SYNE2: variants seen among roughly 807,000 people sequenced by gnomAD.
The protein encoded by SYNE2 is spectrin repeat containing nuclear envelope protein 2.
SYNE2 carries 431 observed loss-of-function variants against 856.3 expected under a neutral mutation model. The ratio of observed to expected loss-of-function variants is 0.50; its 90% CI spans 0.47 to 0.55. The LOEUF is 0.55. Ranked by LOEUF, SYNE2 falls within the 20% of genes least tolerant of loss-of-function variation. The probability of loss-of-function intolerance (pLI) is 0.00; values close to 1 mark genes in which losing one functional copy is unlikely to be tolerated. For missense variants in SYNE2, 8,129 were observed against 8,023.2 expected, an observed-to-expected ratio of 1.01 and a Z score of -0.50; for synonymous variants, 2,923 against 2,872.3, an observed-to-expected ratio of 1.02 and a Z score of -0.56.
intron 1 of SYNE2, among the ~76,000 whole-genome samples, chr14:63,796,311 T>C (rs1230891166): frequency 6.6e-6 from 1 of 152,078 alleles, no homozygotes; most frequent in Non-Finnish European, 1.5e-5. Flanking sequence ...ATACAAATAT[T>C]AGCTGGGCAT....
intron 1 of SYNE2, among the ~76,000 whole-genome samples, chr14:63,814,804 ATAT>A (rs1888820923): frequency 4.9e-5 from 6 of 122,082 alleles, no homozygotes; most frequent in African/African-American, 9.4e-5. Flanking sequence ...ATATCCATAT[ATAT>A]CCATATATAT....
At chr14:63,934,670 A>C (rs975920213) in intron 2 of SYNE2, among the ~76,000 whole-genome samples, 1 of 151,892 alleles carries the variant, frequency 6.6e-6, no homozygotes, top group Non-Finnish European at 1.5e-5. Context: ...ACCTCCTCTG[A>C]GGTTGTTGAG....
chr14:64,221,494 T>G (rs754592383), intron 111 of SYNE2, 82 bp from the exon 112 acceptor site: 1 of 1,613,770 alleles, frequency 6.2e-7, no homozygotes, highest in Admixed American at 1.7e-5. Context: ...TGTGATGGAT[T>G]GGAAGCAGTA....
At chr14:64,126,847 A>G (rs2097950919) in intron 73 of SYNE2, 40 bp downstream of exon 73, 1 of 1,593,678 alleles carries the variant, frequency 6.3e-7, no homozygotes, top group Admixed American at 1.7e-5. Flanking sequence ...GCACTGTTTT[A>G]AGTTACAGCA....
chr14:63,906,397 A>G (rs1345648454), intron 1 of SYNE2, among the ~76,000 whole-genome samples: 1 of 151,992 alleles, frequency 6.6e-6, no homozygotes, highest in Non-Finnish European at 1.5e-5. Context: ...TCCTCTTTAC[A>G]CTTCTGGTAG....
rs1313674488 is a variant in SYNE2 at position 64,219,111 on chromosome 14, T to TG, written c.19658-97_19658-96insG. The TG allele has an allele frequency of 1.9e-3, 1,740 of 926,416 alleles. 2 individuals carry two copies. Among genetic ancestry groups the TG allele is most frequent in the Non-Finnish European group, 2.3e-3 (1,523 of 649,432 alleles). 57.4% of individuals were successfully genotyped at this position (926,416 alleles called of 1,614,324 possible). ...ATCCCCTACAGTTTTTTTGTTTTTT[T>TG]TTTTTTTTTTTTTAACCACCCTGAC... On this transcript the variant is annotated intron_variant, in intron 109 of 115. Coordinates refer to ENST00000555002, the MANE Select transcript of SYNE2 (RefSeq NM_182914.3).
At chr14:64,040,578 C>T (rs2097140488) in intron 45 of SYNE2, among the ~76,000 whole-genome samples, 1 of 143,592 alleles carries the variant, frequency 7.0e-6, no homozygotes, top group Non-Finnish European at 1.5e-5. Flanking sequence ...ATATCCCCTA[C>T]TGTAGAAGTG....
chr14:64,132,820 A>G (rs1004826403), intron 77 of SYNE2, among the ~76,000 whole-genome samples: 3 of 152,208 alleles, frequency 2.0e-5, no homozygotes, highest in African/African-American at 7.2e-5. Context: ...AAACTCAAAG[A>G]AAAAAATAAG....
chr14:64,052,647 T>C lies in SYNE2; in HGVS notation c.8734T>C (p.Phe2912Leu), dbSNP rs2097236040. The change falls in exon 48 of 116, where the codon TTT (phenylalanine) becomes CTT (leucine). Residue 2912 changes from phenylalanine to leucine, a missense_variant. By Grantham distance (22) the Phe-to-Leu change is conservative (BLOSUM62 0). Coordinates refer to ENST00000555002, the MANE Select transcript of SYNE2 (RefSeq NM_182914.3). ...YEELNVFERL[F>L]LEDQLKNLKI... is the part of the protein sequence containing the mutation. ...GGAGCTGAATGTGTTTGAAAGATTATTTCTGGAAGATCAGTTGAAAAATCT... is the reference window on the plus strand; with the variant it reads ...GGAGCTGAATGTGTTTGAAAGATTACTTCTGGAAGATCAGTTGAAAAATCT... The C allele has an allele frequency of 6.2e-7, 1 of 1,613,910 alleles. No individual in the cohort carries two copies. Among genetic ancestry groups the C allele is most frequent in the Non-Finnish European group, 8.5e-7 (1 of 1,179,980 alleles).
chr14:63,906,061 C>G (rs1203592168), intron 1 of SYNE2, among the ~76,000 whole-genome samples: 1 of 152,044 alleles, frequency 6.6e-6, no homozygotes, highest in East Asian at 1.9e-4. Context: ...ATTGAGATGA[C>G]ATATGGTTTT....
rs1262898674 is a variant in SYNE2, at chr14:64,170,326, G to A, written c.17099G>A (p.Arg5700Lys). Residue 5700 changes from arginine (R) to lysine (K), a missense_variant, in exon 94 of 116, where the codon AGG (arginine) becomes AAG (lysine). Coordinates refer to ENST00000555002, the MANE Select transcript of SYNE2 (RefSeq NM_182914.3). ...AAGGGTGACGTTGATGGGCTGGTGA[G>A]GCAGTGGCAAGATTTCACTACTTCT... is the stretch of plus-strand genomic sequence containing the variant. ...QRKGDVDGLV[R>K]QWQDFTTSVE... 1.2e-6 allele frequency: 2 copies of A among 1,614,038 alleles called. No homozygotes were observed. The highest frequency in any genetic ancestry group is 3.3e-5 in the Admixed American group (2 of 59,996).
intron 30 of SYNE2, among the ~76,000 whole-genome samples, chr14:64,006,632 A>G (rs2096798121): frequency 6.6e-6 from 1 of 151,944 alleles, no homozygotes. Context: ...AGTTTGAGAC[A>G]AGTCTGGGCA....
rs1169477700 is a variant in SYNE2, at chr14:64,095,200, C to T, written c.12108+1720C>T. ...TTGTTTTAAGTATAGGAAGACAATCCAGCCTCTCAAAGACATGCACTTGGA... is the reference window on the plus strand; with the variant it reads ...TTGTTTTAAGTATAGGAAGACAATCTAGCCTCTCAAAGACATGCACTTGGA... On this transcript the variant is annotated intron_variant, in intron 61 of 115. Transcript: ENST00000555002. 1.8e-5 allele frequency: 3 copies of T among 169,206 alleles called. No individual in the cohort carries two copies. In the East Asian group the frequency reaches 5.8e-4, roughly 33 times the overall value. 10.5% of individuals were successfully genotyped at this position (169,206 alleles called of 1,614,324 possible).
At position 63,970,236 on chromosome 14, in the gene SYNE2, T is replaced by G. The variant is rs76292364; in HGVS notation, c.1128+2390T>G. On this transcript the variant is annotated intron_variant, in intron 11 of 115. Coordinates refer to ENST00000555002, the MANE Select transcript of SYNE2 (RefSeq NM_182914.3). ...TCGAATCTCACTCTGTTGTCCAGAC[T>G]AGAGTGCACCAGCACAATCATGGCT... 5.3e-5 allele frequency among the ~76,000 whole-genome samples: 8 copies of G among 152,190 alleles called. No individual in the cohort carries two copies. The East Asian group carries it at 1.2e-3, about 22-fold the overall frequency.
intron 49 of SYNE2, among the ~76,000 whole-genome samples, chr14:64,057,069 A>G (rs1207391257): frequency 6.6e-6 from 1 of 152,058 alleles, no homozygotes; most frequent in Non-Finnish European, 1.5e-5. Flanking sequence ...AATCAGTGTA[A>G]TAATTGCATC....
At chr14:63,964,588 G>A (rs934868639) in intron 10 of SYNE2, among the ~76,000 whole-genome samples, 2 of 151,832 alleles carry the variant, frequency 1.3e-5, no homozygotes, top group East Asian at 1.9e-4. Context: ...GCAATGGTGC[G>A]ATCTTGGCTC....
chr14:64,090,756 T>C (rs1269558366), intron 59 of SYNE2, 110 bp from the exon 60 acceptor site: 6 of 1,021,106 alleles, frequency 5.9e-6, no homozygotes, highest in Non-Finnish European at 7.1e-6. Context: ...AGAAATTATT[T>C]TAAAAATGCA....
intron 60 of SYNE2, among the ~76,000 whole-genome samples, chr14:64,091,590 A>T (rs2097615173): frequency 6.6e-6 from 1 of 152,212 alleles, no homozygotes; most frequent in Non-Finnish European, 1.5e-5. Flanking sequence ...TCCTGGTGTC[A>T]TTTCTGCATA....
chr14:64,201,118 G>T (rs2098561306), intron 99 of SYNE2, among the ~76,000 whole-genome samples: 1 of 152,204 alleles, frequency 6.6e-6, no homozygotes, highest in African/African-American at 2.4e-5. Context: ...CTCAGAGTCA[G>T]CGGTTAGGTA....
Sources: allele counts gnomAD v4.1 joint callset (sites outside exome capture counted in the v4.1 genomes callset), GRCh38; gene constraint gnomAD v4.1.1; transcripts MANE v1.5; gene names NCBI Gene and HGNC (gene_info 2026-07-23, HGNC 2026-07-21).